The following CPM variants were observed in gnomAD, a reference collection of about 807,000 sequenced individuals.
The protein encoded by CPM is renal carboxypeptidase.
In CPM, 35 loss-of-function variants were observed where a neutral mutation model predicts 46.4. That is an observed-to-expected ratio of 0.75 (90% confidence interval 0.58 to 1.00). The LOEUF (loss-of-function observed/expected upper bound fraction) is 1.00, where lower values mean the gene tolerates loss of function less well. Among genes scored for constraint, CPM ranks in the 50% least tolerant of loss-of-function variants. The pLI, the probability that CPM is intolerant of heterozygous loss-of-function variation, is 0.00. For synonymous variants in CPM, 195 were observed against 195.3 expected (o/e 1.00, Z 0.01); for missense variants, 422 against 530.4 (o/e 0.80, Z 2.01).
At chr12:68,844,398 A>T (rs1337319743) in intron 5 of CPM, 1 of 226,408 alleles carries the variant, frequency 4.4e-6, no homozygotes, top group Admixed American at 5.7e-5. Flanking sequence ...TGATGTTGCA[A>T]GTTAGTAGGA....
At chr12:68,920,174 C>G (rs143217049) in intron 2 of CPM, among the ~76,000 whole-genome samples, 1 of 152,310 alleles carries the variant, frequency 6.6e-6, no homozygotes, top group African/African-American at 2.4e-5. Flanking sequence ...AGAAACTGAG[C>G]AGATGCTGGG....
intron 3 of CPM, among the ~76,000 whole-genome samples, chr12:68,879,844 T>C (rs1886110993): frequency 6.6e-6 from 1 of 152,134 alleles, no homozygotes; most frequent in Non-Finnish European, 1.5e-5. Context: ...TGGGGAAGAT[T>C]TTCCCAGGCT....
chr12:68,847,676 A>C (rs912711871), downstream of CPM: 1 of 151,098 alleles, frequency 6.6e-6, no homozygotes, highest in Non-Finnish European at 1.5e-5. Flanking sequence ...GATGGTCTCG[A>C]TCTCCTGACC....
intron 1 of CPM, among the ~76,000 whole-genome samples, chr12:68,957,911 A>T (rs1269385947): frequency 2.2e-5 from 3 of 135,104 alleles, no homozygotes; most frequent in African/African-American, 8.6e-5. Context: ...CTCATTGTTC[A>T]GTTCCCACCT....
chr12:68,895,388 G>C (rs957066640), intron 2 of CPM, among the ~76,000 whole-genome samples: 2 of 152,142 alleles, frequency 1.3e-5, no homozygotes, highest in Non-Finnish European at 2.9e-5. Context: ...TGTCAGCTTC[G>C]GTCCTGGAGG....
chr12:68,848,739 G>A (rs3879294), downstream of CPM: 2,658 of 152,228 alleles, frequency 0.017, 34 homozygotes, highest in African/African-American at 0.026. Context: ...GGGGGACGAA[G>A]TCTCGTTCTG....
At chr12:68,929,310 C>T (rs1240731898) in intron 2 of CPM, among the ~76,000 whole-genome samples, 1 of 152,004 alleles carries the variant, frequency 6.6e-6, no homozygotes, top group Non-Finnish European at 1.5e-5. Context: ...AATATTTGAT[C>T]CATTAAATAA....
chr12:68,954,018 A>C (rs539103776), intron 1 of CPM, among the ~76,000 whole-genome samples: 2 of 152,138 alleles, frequency 1.3e-5, no homozygotes, highest in Non-Finnish European at 2.9e-5. Flanking sequence ...CTTTTTTTAC[A>C]ATTGCTTTTA....
chr12:68,896,393 G>GT (rs76680153), intron 2 of CPM, among the ~76,000 whole-genome samples: 11,036 of 152,200 alleles, frequency 0.073, 511 homozygotes, highest in East Asian at 0.13. Context: ...AAGGGATTTT[G>GT]TATCTCTGTG....
chr12:68,914,821 C>A (rs1887740402), intron 2 of CPM, among the ~76,000 whole-genome samples: 1 of 152,114 alleles, frequency 6.6e-6, no homozygotes, highest in African/African-American at 2.4e-5. Context: ...GGTTTTGAAT[C>A]CTGACAGACC....
chr12:68,889,029 C>T (rs894028683), intron 2 of CPM, among the ~76,000 whole-genome samples: 9 of 152,256 alleles, frequency 5.9e-5, no homozygotes, highest in African/African-American at 1.9e-4. Flanking sequence ...ATCAGAGGCA[C>T]CTGGGATCCT....
At chr12:68,880,671 C>T (rs957550606) in intron 3 of CPM, among the ~76,000 whole-genome samples, 1 of 152,166 alleles carries the variant, frequency 6.6e-6, no homozygotes, top group Admixed American at 6.5e-5. Context: ...TCCGGGTTCC[C>T]ACAGCTGGTG....
intron 2 of CPM, among the ~76,000 whole-genome samples, chr12:68,886,559 G>A (rs940268752): frequency 1.1e-4 from 17 of 152,182 alleles, no homozygotes; most frequent in Non-Finnish European, 2.2e-4. Flanking sequence ...GTGAACCCCG[G>A]AGGCGGAGCT....
chr12:68,952,074 G>A lies in CPM; in HGVS notation c.-4+11095C>T, dbSNP rs551249238. On this transcript the variant is annotated intron_variant, in intron 1 of 8. Coordinates refer to the CPM transcript ENST00000546373. ...TGCTATGGCATTTGAGATTATCTGG[G>A]GGCCAGAAGGACTTCATATCCAAGT... 3.1e-3 allele frequency among the ~76,000 whole-genome samples: 472 copies of A among 152,226 alleles called. 2 individuals carry two copies. Among genetic ancestry groups the A allele is most frequent in the Non-Finnish European group, 4.1e-3 (280 of 68,000 alleles).
At chr12:68,931,304 C>T (rs1294422107) in intron 2 of CPM, among the ~76,000 whole-genome samples, 1 of 152,006 alleles carries the variant, frequency 6.6e-6, no homozygotes, top group South Asian at 2.1e-4. Flanking sequence ...CTCAAAAGTT[C>T]AGAGCTAAAA....
At chr12:68,899,481 A>C (rs952764104) in intron 2 of CPM, among the ~76,000 whole-genome samples, 2 of 152,254 alleles carry the variant, frequency 1.3e-5, no homozygotes, top group African/African-American at 2.4e-5. Context: ...GACATCGTGT[A>C]GATTTTGACT....
Position 68,956,478 on chromosome 12 carries a change from T to C in CPM, c.-4+6691A>G, listed in dbSNP as rs542205685. 3.7e-4 allele frequency among the ~76,000 whole-genome samples: 56 copies of C among 152,216 alleles called. No homozygotes were observed. In the South Asian group the frequency reaches 0.011, roughly 31 times the overall value. The stretch of plus-strand genomic sequence containing the variant: ...GCCTCCCCCACTACAGCTGGCATCA[T>C]GGCAGCAGCCACTCCACACAGGCCA... On this transcript the variant is annotated intron_variant, in intron 1 of 8. Coordinates refer to the CPM transcript ENST00000546373.
intron 2 of CPM, among the ~76,000 whole-genome samples, chr12:68,905,987 C>T (rs1330861650): frequency 6.6e-6 from 1 of 152,098 alleles, no homozygotes; most frequent in Non-Finnish European, 1.5e-5. Context: ...TGTTTCTTGG[C>T]CTTGCTGCAA....
At chr12:68,844,683 C>G (rs1040034861) in intron 5 of CPM, 1 of 223,242 alleles carries the variant, frequency 4.5e-6, no homozygotes, top group Non-Finnish European at 8.9e-6. Context: ...AAAGCAGGAG[C>G]TTGTGGGCCC....
Sources: gnomAD v4.1 joint callset for allele counts (sites outside exome capture counted in the v4.1 genomes callset) on GRCh38, gnomAD v4.1.1 for gene constraint, MANE v1.5 for transcripts, NCBI Gene and HGNC (gene_info 2026-07-23, HGNC 2026-07-21) for gene names.